The following PTPRM variants were observed in gnomAD, a reference collection of about 807,000 sequenced individuals.
PTPRM encodes protein tyrosine phosphatase receptor type M.
Under a neutral mutation model 186.7 loss-of-function variants are expected in PTPRM, and 47 were observed. The ratio of observed to expected loss-of-function variants is 0.25; its 90% CI spans 0.20 to 0.32. The LOEUF is 0.32. Ranked by LOEUF, PTPRM falls within the 10% of genes least tolerant of loss-of-function variation. The pLI is 1.00. For missense variants in PTPRM, 1,494 were observed against 1,865.0 expected (o/e 0.80, Z 3.66); for synonymous variants, 668 against 674.9 (o/e 0.99, Z 0.16).
intron 2 of PTPRM, among the ~76,000 whole-genome samples, chr18:7,804,709 T>C (rs1011412314): frequency 6.6e-5 from 10 of 152,234 alleles, no homozygotes; most frequent in Non-Finnish European, 1.3e-4. Flanking sequence ...AGTGGAAATA[T>C]TTAATTAAAC....
chr18:8,223,356 A>T (rs1263181714), intron 14 of PTPRM, among the ~76,000 whole-genome samples: 1 of 152,238 alleles, frequency 6.6e-6, no homozygotes, highest in East Asian at 1.9e-4. Context: ...AATGTTAAGG[A>T]AACATCAAGT....
At chr18:7,783,782 G>T (rs2042972376) in intron 2 of PTPRM, among the ~76,000 whole-genome samples, 1 of 151,662 alleles carries the variant, frequency 6.6e-6, no homozygotes, top group African/African-American at 2.4e-5. Flanking sequence ...GTATGTGTGT[G>T]TGTGTGTAGA....
chr18:8,037,187 C>A (rs1234674144), intron 7 of PTPRM, among the ~76,000 whole-genome samples: 4 of 152,150 alleles, frequency 2.6e-5, no homozygotes, highest in African/African-American at 9.7e-5. Flanking sequence ...TCTTCAAAAT[C>A]CCTGTGCTTT....
At chr18:7,638,347 A>T (rs944681654) in intron 1 of PTPRM, among the ~76,000 whole-genome samples, 2 of 152,184 alleles carry the variant, frequency 1.3e-5, no homozygotes, top group Non-Finnish European at 2.9e-5. Flanking sequence ...GCTTCCTAAT[A>T]AAGTAATTTA....
chr18:8,019,788 AAT>A (rs934506530), intron 7 of PTPRM, among the ~76,000 whole-genome samples: 2 of 147,128 alleles, frequency 1.4e-5, no homozygotes, highest in Non-Finnish European at 3.0e-5. Flanking sequence ...ATTATAAACT[AAT>A]AATTTATAAT....
intron 7 of PTPRM, among the ~76,000 whole-genome samples, chr18:7,984,579 AT>A (rs2082733633): frequency 1.0e-5 from 1 of 99,068 alleles, no homozygotes; most frequent in South Asian, 4.1e-4. Context: ...CCCCATATAT[AT>A]ATATATATAT....
intron 5 of PTPRM, among the ~76,000 whole-genome samples, chr18:7,937,516 A>G (rs1412425268): frequency 6.6e-6 from 1 of 152,220 alleles, no homozygotes; most frequent in African/African-American, 2.4e-5. Flanking sequence ...CTTGGCAGGC[A>G]TGGAATCCAG....
In PTPRM at chr18:7,884,340, A is replaced by G. The variant is rs527694603; in HGVS notation, c.197-3766A>G. ...CAATTGGGAGACTGTAGAGGAAGGG[A>G]AAAAGGGAATCTCACAGAGGAGTGT... On this transcript the variant is annotated intron_variant, in intron 2 of 32. Transcript: ENST00000580170. Among the ~76,000 whole-genome samples, 8 of 152,268 alleles carry G rather than the reference A, an allele frequency of 5.3e-5. No individual in the cohort carries two copies. In the East Asian group the frequency reaches 1.5e-3, roughly 29 times the overall value.
At chr18:7,660,462 G>C (rs1000437617) in intron 1 of PTPRM, among the ~76,000 whole-genome samples, 2 of 152,096 alleles carry the variant, frequency 1.3e-5, no homozygotes, top group East Asian at 3.9e-4. Context: ...TTTCTTTTGG[G>C]GAACCCCTTC....
At chr18:7,832,695 G>A (rs1164822898) in intron 2 of PTPRM, among the ~76,000 whole-genome samples, 1 of 152,140 alleles carries the variant, frequency 6.6e-6, no homozygotes, top group South Asian at 2.1e-4. Context: ...TATTTGCCCA[G>A]ACCAATGTCC....
chr18:7,752,653 G>A lies in PTPRM; in HGVS notation c.74-21496G>A, dbSNP rs979796611. Among the ~76,000 whole-genome samples the A allele has an allele frequency of 2.6e-5, 4 of 151,936 alleles. No homozygotes were observed. In the East Asian group the frequency reaches 7.7e-4, roughly 29 times the overall value. On this transcript the variant is annotated intron_variant, in intron 1 of 32. Coordinates refer to ENST00000580170, the MANE Select transcript of PTPRM (RefSeq NM_001105244.2). ...AGATGGGGTTTCACCATGTTGTCCA[G>A]GCTGGTCTTGAACTCCTGACCTCAG... is the stretch of plus-strand genomic sequence containing the variant.
intron 7 of PTPRM, 146 bp downstream of exon 7, chr18:7,955,560 G>A (rs2053253424): frequency 2.2e-6 from 2 of 917,678 alleles, no homozygotes; most frequent in South Asian, 1.9e-5. Context: ...CCTGTGAATA[G>A]TCAGCTAACA....
chr18:7,741,575 T>C (rs955187176), intron 1 of PTPRM: 1 of 152,260 alleles, frequency 6.6e-6, no homozygotes, highest in East Asian at 1.9e-4. Flanking sequence ...GTATTGGACT[T>C]TGTTTTTTTT....
At chr18:8,126,008 TATATA>T (rs2092341047) in intron 13 of PTPRM, among the ~76,000 whole-genome samples, 7 of 22,518 alleles carry the variant, frequency 3.1e-4, no homozygotes, top group African/African-American at 7.5e-4. Flanking sequence ...TATATATATA[TATATA>T]TATATATATA....
In PTPRM at chr18:7,568,606, C is replaced by G. The variant is rs562069666; in HGVS notation, c.73+715C>G. Among the ~76,000 whole-genome samples, 1 of 152,328 alleles carries G rather than the reference C, an allele frequency of 6.6e-6. No individual in the cohort carries two copies. The highest frequency in any genetic ancestry group is 2.1e-4 in the South Asian group (1 of 4,834). On this transcript the variant is annotated intron_variant, in intron 1 of 32. Coordinates refer to ENST00000580170, the MANE Select transcript of PTPRM (RefSeq NM_001105244.2). The surrounding 1 kb of genome is among the most constrained non-coding windows in gnomAD (Gnocchi z 5.1). ...CTGGGCTCCCCCTCCCCACCCTCGTCCCCCTAGCGGAGCGCCGCGGCCAGC... is the reference window on the plus strand; with the variant it reads ...CTGGGCTCCCCCTCCCCACCCTCGTGCCCCTAGCGGAGCGCCGCGGCCAGC...
chr18:7,719,397 G>C (rs1021632726), intron 1 of PTPRM, among the ~76,000 whole-genome samples: 3 of 152,054 alleles, frequency 2.0e-5, no homozygotes, highest in African/African-American at 7.2e-5. Context: ...ATGGCTGGGA[G>C]GGTGTGGGTG....
rs10541123 is a variant in PTPRM at position 7,854,731 on chromosome 18, G to GT, written c.197-33357dup. ...TTTTTAAACTTTTGAAATGTTAGGA[G>GT]TTTTTTTTTTTTTTTTTTACAACTG... On this transcript the variant is annotated intron_variant, in intron 2 of 32. Coordinates refer to ENST00000580170, the MANE Select transcript of PTPRM (RefSeq NM_001105244.2). Among the ~76,000 whole-genome samples, 419 of 141,964 alleles carry GT rather than the reference G, an allele frequency of 3.0e-3. 1 individual carries two copies. The highest frequency in any genetic ancestry group is 3.9e-3 in the Non-Finnish European group (254 of 64,922). The allele number at this position is 141,964 out of a possible 152,430, so 93.1% of individuals were successfully genotyped here.
At chr18:7,695,219 C>T (rs561592667) in intron 1 of PTPRM, among the ~76,000 whole-genome samples, 68 of 152,268 alleles carry the variant, frequency 4.5e-4, no homozygotes, top group Non-Finnish European at 8.1e-4. Flanking sequence ...ACCTACAAAC[C>T]GGAAAGGAGT....
At chr18:7,867,735 A>G (rs1489145719) in intron 2 of PTPRM, among the ~76,000 whole-genome samples, 5 of 152,216 alleles carry the variant, frequency 3.3e-5, no homozygotes, top group East Asian at 3.9e-4. Context: ...CTGAATTTCA[A>G]TGTTGGCCTG....
Sources: gnomAD v4.1 joint callset for allele counts (sites outside exome capture counted in the v4.1 genomes callset) on GRCh38, gnomAD v4.1.1 for gene constraint, Gnocchi (gnomAD v3.1) non-coding constraint, MANE v1.5 for transcripts, NCBI Gene and HGNC (gene_info 2026-07-23, HGNC 2026-07-21) for gene names.